The following ADGRB3 variants were observed in gnomAD, a reference collection of about 807,000 sequenced individuals.
The protein encoded by ADGRB3 is adhesion G protein-coupled receptor B3.
ADGRB3 carries 37 observed loss-of-function variants against 193.4 expected under a neutral mutation model. The observed-to-expected ratio is 0.19, with a 90% CI of 0.15 to 0.25. The LOEUF is 0.25. Among genes scored for constraint, ADGRB3 ranks in the 10% least tolerant of loss-of-function variants. The probability of loss-of-function intolerance (pLI) is 1.00; values close to 1 mark genes in which losing one functional copy is unlikely to be tolerated. For missense variants in ADGRB3, 1,637 were observed against 1,852.9 expected (o/e 0.88, Z 2.14); for synonymous variants, 690 against 644.2 (o/e 1.07, Z -1.08).
intron 15 of ADGRB3, among the ~76,000 whole-genome samples, chr6:69,062,695 C>T (rs889126102): frequency 1.3e-5 from 2 of 151,934 alleles, no homozygotes; most frequent in Admixed American, 1.3e-4. Flanking sequence ...CTTATCAGTG[C>T]TGTTGCTTTC....
At chr6:69,214,409 A>T (rs542953364) in intron 17 of ADGRB3, among the ~76,000 whole-genome samples, 1 of 152,200 alleles carries the variant, frequency 6.6e-6, no homozygotes, top group East Asian at 1.9e-4. Context: ...CTGCTGATTC[A>T]GGTCTATTTT....
chr6:68,671,496 A>G (rs1582112689), intron 3 of ADGRB3, among the ~76,000 whole-genome samples: 2 of 152,060 alleles, frequency 1.3e-5, no homozygotes, highest in East Asian at 1.9e-4. Context: ...TGCTTCTTTC[A>G]GCATCAATTA....
intron 11 of ADGRB3, among the ~76,000 whole-genome samples, chr6:69,008,162 C>A (rs1017124394): frequency 6.6e-6 from 1 of 152,134 alleles, no homozygotes; most frequent in Non-Finnish European, 1.5e-5. Flanking sequence ...GCATCATATT[C>A]AAACTGCTGC....
At chr6:69,174,527 C>G (rs1435532296) in intron 17 of ADGRB3, among the ~76,000 whole-genome samples, 1 of 152,154 alleles carries the variant, frequency 6.6e-6, no homozygotes, top group Non-Finnish European at 1.5e-5. Flanking sequence ...GATTCCATGT[C>G]TTTGCTATTG....
rs115354247 is a variant in ADGRB3, at chr6:69,014,700, C to G, written c.1998+594C>G. Among the ~76,000 whole-genome samples the G allele has an allele frequency of 3.1e-3, 477 of 151,774 alleles. 2 individuals carry two copies. The highest frequency in any genetic ancestry group is 0.011 in the African/African-American group (444 of 41,414). On this transcript the variant is annotated intron_variant, in intron 12 of 31. Coordinates refer to ENST00000370598, the MANE Select transcript of ADGRB3 (RefSeq NM_001704.3). ...GATAAGACAGTGACTAATTTGTTTT[C>G]CTCTGAATTACAGGAAAAGTGGGTT...
chr6:68,968,803 G>T (rs536602468), intron 8 of ADGRB3, among the ~76,000 whole-genome samples: 1 of 151,976 alleles, frequency 6.6e-6, no homozygotes, highest in Non-Finnish European at 1.5e-5. Context: ...TTCTATAATA[G>T]TTTTTGGTTG....
intron 3 of ADGRB3, among the ~76,000 whole-genome samples, chr6:68,696,511 A>G (rs1393605206): frequency 6.6e-6 from 1 of 151,762 alleles, no homozygotes; most frequent in East Asian, 1.9e-4. Context: ...AAGTTTTTGG[A>G]TAAGGAAATT....
intron 10 of ADGRB3, among the ~76,000 whole-genome samples, chr6:68,976,646 A>T (rs1030001373): frequency 2.0e-5 from 3 of 152,186 alleles, no homozygotes; most frequent in Non-Finnish European, 4.4e-5. Context: ...GAGAAAAGAA[A>T]ATGTTATTAA....
intron 26 of ADGRB3, among the ~76,000 whole-genome samples, chr6:69,346,650 G>T (rs535003367): frequency 1.3e-5 from 2 of 152,302 alleles, no homozygotes; most frequent in East Asian, 3.9e-4. Flanking sequence ...AAACCTCAGT[G>T]AGATACCGTC....
At chr6:68,741,193 A>G (rs1161204773) in intron 3 of ADGRB3, among the ~76,000 whole-genome samples, 1 of 152,178 alleles carries the variant, frequency 6.6e-6, no homozygotes, top group Non-Finnish European at 1.5e-5. Flanking sequence ...ACAAGTGTTT[A>G]CATTTGTTAA....
At chr6:69,250,777 C>G (rs1325429774) in intron 20 of ADGRB3, among the ~76,000 whole-genome samples, 1 of 152,202 alleles carries the variant, frequency 6.6e-6, no homozygotes. Flanking sequence ...TGTCAAGTTA[C>G]TTAACCATTC....
At chr6:68,914,759 G>A (rs1156629842) in intron 3 of ADGRB3, among the ~76,000 whole-genome samples, 2 of 152,202 alleles carry the variant, frequency 1.3e-5, no homozygotes, top group South Asian at 2.1e-4. Flanking sequence ...GGGTGAAAAT[G>A]TTAGAGAGGA....
At chr6:69,138,957 G>A (rs1265859832) in intron 17 of ADGRB3, among the ~76,000 whole-genome samples, 1 of 152,208 alleles carries the variant, frequency 6.6e-6, no homozygotes, top group Non-Finnish European at 1.5e-5. Context: ...TTCAGAGTAA[G>A]TAGATCCTGG....
At chr6:68,717,225 A>T (rs543159045) in intron 3 of ADGRB3, among the ~76,000 whole-genome samples, 1 of 151,740 alleles carries the variant, frequency 6.6e-6, no homozygotes, top group African/African-American at 2.4e-5. Context: ...TAAGTGTTAA[A>T]CATGCACAGT....
At chr6:68,963,044 C>T (rs993499865) in intron 8 of ADGRB3, among the ~76,000 whole-genome samples, 9 of 152,276 alleles carry the variant, frequency 5.9e-5, no homozygotes, top group Admixed American at 5.9e-4. Flanking sequence ...TCTGTGTCAT[C>T]TGGAGTGATT....
chr6:69,140,416 T>C (rs1364480592), intron 17 of ADGRB3, among the ~76,000 whole-genome samples: 1 of 152,152 alleles, frequency 6.6e-6, no homozygotes, highest in Non-Finnish European at 1.5e-5. Context: ...TCTCATTTAT[T>C]TGTGGAAGCT....
Position 68,765,921 on chromosome 6 carries a change from T to A in ADGRB3, c.757+126489T>A, listed in dbSNP as rs181653057. Among the ~76,000 whole-genome samples the A allele has an allele frequency of 3.6e-3, 548 of 152,134 alleles. 2 individuals are homozygous for A. In the Middle Eastern group the frequency reaches 0.037, roughly 10 times the overall value. On this transcript the variant is annotated intron_variant, in intron 3 of 31. Coordinates refer to ENST00000370598, the MANE Select transcript of ADGRB3 (RefSeq NM_001704.3). ...ATGTATTTCTATATATTTACATGTG[T>A]CTGAAAAAAATGTTTTATTTATTCA...
At chr6:68,668,072 A>G (rs1296819340) in intron 3 of ADGRB3, among the ~76,000 whole-genome samples, 3 of 151,990 alleles carry the variant, frequency 2.0e-5, no homozygotes, top group Non-Finnish European at 2.9e-5. Flanking sequence ...AAGCTAACTG[A>G]TGATAATCCC....
At chr6:68,938,841 A>G (rs1425498377) in intron 5 of ADGRB3, among the ~76,000 whole-genome samples, 1 of 152,166 alleles carries the variant, frequency 6.6e-6, no homozygotes, top group Non-Finnish European at 1.5e-5. Context: ...AATGAGAAAA[A>G]TGTCAATAAA....
Sources: allele counts gnomAD v4.1 joint callset (sites outside exome capture counted in the v4.1 genomes callset), GRCh38; gene constraint gnomAD v4.1.1; transcripts MANE v1.5; gene names NCBI Gene and HGNC (gene_info 2026-07-23, HGNC 2026-07-21).